PDZD2: variants seen among roughly 807,000 people sequenced by gnomAD.
The protein encoded by PDZD2 is PDZ domain containing 2.
A neutral mutation model predicts 220.7 loss-of-function variants in PDZD2; 90 were observed. The ratio of observed to expected loss-of-function variants is 0.41; its 90% CI spans 0.34 to 0.49. PDZD2 has a LOEUF of 0.49. PDZD2 is among the 20% of genes least tolerant of loss of function. The pLI is 0.28. For synonymous variants in PDZD2, 1,375 were observed against 1,450.5 expected, an observed-to-expected ratio of 0.95 and a Z score of 1.18; for missense variants, 3,174 against 3,608.5, an observed-to-expected ratio of 0.88 and a Z score of 3.08.
chr5:31,998,596 T>C (rs1250546341), intron 4 of PDZD2, among the ~76,000 whole-genome samples: 1 of 152,182 alleles, frequency 6.6e-6, no homozygotes, highest in South Asian at 2.1e-4. Flanking sequence ...ATGTGTTTCA[T>C]GGCAGCACCC....
intron 2 of PDZD2, among the ~76,000 whole-genome samples, chr5:31,920,176 C>T (rs1280529630): frequency 6.6e-6 from 1 of 151,850 alleles, no homozygotes; most frequent in East Asian, 1.9e-4. Flanking sequence ...CCCAGCTACT[C>T]GGGGGGCTAA....
chr5:31,918,250 C>T (rs6858893), intron 2 of PDZD2, among the ~76,000 whole-genome samples: 140,123 of 152,226 alleles, frequency 0.92, 64,687 homozygotes, highest in East Asian at 0.98. Flanking sequence ...AAGATTTGGG[C>T]GGGGACACAA....
chr5:32,088,124 C>A lies in PDZD2; in HGVS notation c.4676C>A (p.Ser1559Tyr). 6.2e-7 allele frequency: 1 copy of A among 1,614,240 alleles called. No individual in the cohort carries two copies. The highest frequency in any genetic ancestry group is 8.5e-7 in the Non-Finnish European group (1 of 1,180,040). ...SSMYGDAEDS[S>Y]SDPESLTEAP... ...ATGTATGGCGATGCTGAGGATTCTT[C>A]TTCTGACCCTGAGTCACTCACTGAA... Residue 1559 changes from serine to tyrosine, a missense_variant, in exon 20 of 25, where the codon TCT becomes TAT. By Grantham distance (144) the Ser-to-Tyr change is moderately radical. Around this residue, in one of 4 missense-constraint regions of PDZD2, gnomAD observed 1,861 missense variants for 2,001.0 expected, o/e 0.93. Transcript: ENST00000438447. The surrounding 1 kb of genome is among the most constrained non-coding windows in gnomAD (Gnocchi z 4.6).
chr5:31,886,966 T>A (rs1740564292), intron 2 of PDZD2, among the ~76,000 whole-genome samples: 1 of 152,226 alleles, frequency 6.6e-6, no homozygotes, highest in African/African-American at 2.4e-5. Flanking sequence ...CCTGAAGTGC[T>A]GGAATTGTAG....
intron 1 of PDZD2, among the ~76,000 whole-genome samples, chr5:31,762,307 A>G (rs1751699965): frequency 6.6e-6 from 1 of 152,190 alleles, no homozygotes; most frequent in Admixed American, 6.5e-5. Flanking sequence ...TTTTGAGACC[A>G]AGTTTCACTC....
At chr5:32,036,105 G>A (rs868535024) in intron 6 of PDZD2, among the ~76,000 whole-genome samples, 245 of 152,162 alleles carry the variant, frequency 1.6e-3, no homozygotes, top group African/African-American at 5.4e-3. Context: ...CACCATGCCC[G>A]GCTAATTTCA....
intron 2 of PDZD2, among the ~76,000 whole-genome samples, chr5:31,952,468 C>T (rs1453234419): frequency 6.6e-6 from 1 of 152,186 alleles, no homozygotes; most frequent in Middle Eastern, 3.2e-3. Flanking sequence ...AAAGTGACCA[C>T]TGGGGCTGGC....
intron 1 of PDZD2, among the ~76,000 whole-genome samples, chr5:31,695,129 TAAAAAAAA>T (rs77583772): frequency 7.0e-6 from 1 of 143,126 alleles, no homozygotes; most frequent in African/African-American, 2.6e-5. Flanking sequence ...GTCTCCAAAT[TAAAAAAAA>T]AAAAGAAAGT....
chr5:31,833,180 A>T (rs1210282767), intron 2 of PDZD2, among the ~76,000 whole-genome samples: 1 of 152,148 alleles, frequency 6.6e-6, no homozygotes, highest in African/African-American at 2.4e-5. Context: ...CTAGAAACAA[A>T]GGTGGAGGCT....
chr5:31,758,487 G>A (rs1751433949), intron 1 of PDZD2, among the ~76,000 whole-genome samples: 1 of 152,220 alleles, frequency 6.6e-6, no homozygotes, highest in Admixed American at 6.5e-5. Context: ...CACATGTGGT[G>A]TGGGCGCAGG....
chr5:32,093,515 C>T (rs1307131746), intron 21 of PDZD2, among the ~76,000 whole-genome samples: 1 of 152,110 alleles, frequency 6.6e-6, no homozygotes, highest in African/African-American at 2.4e-5. Flanking sequence ...GTGGAAAATC[C>T]ACATATAACT....
chr5:31,953,660 AT>A (rs34296923), intron 2 of PDZD2, among the ~76,000 whole-genome samples: 1 of 138,520 alleles, frequency 7.2e-6, no homozygotes, highest in Non-Finnish European at 1.5e-5. Flanking sequence ...TAAAAAAAAA[AT>A]TTTTTTTTTT....
intron 2 of PDZD2, among the ~76,000 whole-genome samples, chr5:31,867,831 C>G (rs982456806): frequency 1.4e-5 from 2 of 141,156 alleles, no homozygotes; most frequent in Non-Finnish European, 3.0e-5. Flanking sequence ...AATCCCTACC[C>G]GTAACTATCA....
chr5:31,850,073 TGTGTATATATAAGTATATATAC>T (rs1270178650), intron 2 of PDZD2, among the ~76,000 whole-genome samples: 24 of 115,512 alleles, frequency 2.1e-4, no homozygotes, highest in South Asian at 1.5e-3. Flanking sequence ...AGTATATATA[TGTGTATATATAAGTATATATAC>T]GTGTATATAT....
At chr5:31,822,926 G>A (rs1755973533) in intron 2 of PDZD2, 2 of 946,260 alleles carry the variant, frequency 2.1e-6, no homozygotes, top group Non-Finnish European at 3.3e-6. Flanking sequence ...CAAATAGTCT[G>A]AACGGTGGCC....
intron 2 of PDZD2, chr5:31,847,379 G>T: frequency 2.2e-6 from 1 of 448,360 alleles, no homozygotes; most frequent in Non-Finnish European, 4.2e-6. Flanking sequence ...GAAACGCTTG[G>T]TGATAGAGGA....
chr5:31,705,114 C>T (rs1968847), intron 1 of PDZD2, among the ~76,000 whole-genome samples: 102,013 of 151,624 alleles, frequency 0.67, 34,642 homozygotes, highest in East Asian at 0.93. Flanking sequence ...TGAGCCGAGA[C>T]TGTGCCACTG....
chr5:31,755,548 A>G lies in PDZD2; in HGVS notation c.-360-43341A>G, dbSNP rs611588. Among the ~76,000 whole-genome samples the G allele has an allele frequency of 2.0e-5, 3 of 150,380 alleles. No homozygotes were observed. The East Asian group carries it at 5.9e-4, about 29-fold the overall frequency. On this transcript the variant is annotated intron_variant, in intron 1 of 24. Transcript: ENST00000438447. Reference sequence around the variant, plus strand: ...GTACGCTTTGTTCCTGGAGGCTCCAACTCCACGCATCAGTAAACGTTAGCT... The same window carrying G: ...GTACGCTTTGTTCCTGGAGGCTCCAGCTCCACGCATCAGTAAACGTTAGCT...
intron 3 of PDZD2, among the ~76,000 whole-genome samples, chr5:31,985,951 T>G (rs183756744): frequency 4.0e-5 from 6 of 151,838 alleles, no homozygotes; most frequent in Non-Finnish European, 7.4e-5. Context: ...GGTGCATGCC[T>G]GTAATCCCAG....
Sources: allele counts gnomAD v4.1 joint callset (sites outside exome capture counted in the v4.1 genomes callset), GRCh38; gene constraint gnomAD v4.1.1; regional missense constraint gnomAD v4.1.1; non-coding constraint Gnocchi (gnomAD v3.1); transcripts MANE v1.5; gene names NCBI Gene and HGNC (gene_info 2026-07-23, HGNC 2026-07-21).